Variants in DEFB108B observed in about 807,000 individuals in gnomAD.
DEFB108B encodes beta-defensin 108B.
In DEFB108B, 3 loss-of-function variants were observed where a neutral mutation model predicts 2.4. The ratio of observed to expected loss-of-function variants is 1.25; its 90% confidence interval spans 0.57 to 3.24. The LOEUF is 3.24. Ranked by LOEUF, DEFB108B falls within the 30% of genes most tolerant of loss-of-function variation. The pLI is 0.03. For missense variants in DEFB108B, 101 were observed against 87.8 expected (o/e 1.15, Z -0.60); for synonymous variants, 25 against 28.7 (o/e 0.87, Z 0.41).
intron 1 of DEFB108B, among the ~76,000 whole-genome samples, chr11:71,836,760 G>T (rs566978267): frequency 3.8e-4 from 58 of 152,332 alleles, no homozygotes; most frequent in African/African-American, 1.3e-3. Context: ...AGTAGTGAGT[G>T]AAGTCTCAGG....
At chr11:71,837,024 G>A (rs1012208202) in intron 1 of DEFB108B, 1 of 177,952 alleles carries the variant, frequency 5.6e-6, no homozygotes, top group Admixed American at 6.0e-5. Flanking sequence ...TTCGCTCCAG[G>A]AAAATCCATA....
chr11:71,836,020 C>T (rs1259141309), intron 1 of DEFB108B, among the ~76,000 whole-genome samples: 1 of 152,120 alleles, frequency 6.6e-6, no homozygotes, highest in Non-Finnish European at 1.5e-5. Context: ...AGTGGTTCAT[C>T]CTCTACACTA....
At chr11:71,837,340 T>C in intron 1 of DEFB108B, 59 bp from the exon 2 acceptor site, 1 of 1,594,452 alleles carries the variant, frequency 6.3e-7, no homozygotes, top group South Asian at 1.1e-5. Flanking sequence ...ATCCATGTAA[T>C]TCAACACAAA....
At chr11:71,835,295 G>T (rs1467318226) in intron 1 of DEFB108B, among the ~76,000 whole-genome samples, 7 of 152,020 alleles carry the variant, frequency 4.6e-5, no homozygotes, top group Non-Finnish European at 7.4e-5. Context: ...ATGTCCATGT[G>T]CACTTATTGC....
chr11:71,834,706 A>G (rs1447404745), intron 1 of DEFB108B: 1 of 152,274 alleles, frequency 6.6e-6, no homozygotes, highest in Admixed American at 6.5e-5. Context: ...GCTAGAGAAG[A>G]GAGGAGGACA....
chr11:71,837,347 C>T, intron 1 of DEFB108B, 52 bp from the exon 2 acceptor site: 2 of 1,602,250 alleles, frequency 1.2e-6, no homozygotes, highest in Non-Finnish European at 1.7e-6. Flanking sequence ...TAATTCAACA[C>T]AAAGTAAAGA....
intron 1 of DEFB108B, among the ~76,000 whole-genome samples, chr11:71,834,414 A>G (rs553068276): frequency 1.2e-4 from 19 of 152,356 alleles, no homozygotes; most frequent in Middle Eastern, 3.4e-3. Flanking sequence ...TCTTACATAT[A>G]TAACCCCAGA....
chr11:71,834,778 C>T (rs1952204827), intron 1 of DEFB108B: 1 of 152,170 alleles, frequency 6.6e-6, no homozygotes, highest in South Asian at 2.1e-4. Context: ...TAGTGCCATC[C>T]CTATCATCTG....
chr11:71,835,655 G>T (rs1449744729), intron 1 of DEFB108B, among the ~76,000 whole-genome samples: 8 of 152,218 alleles, frequency 5.3e-5, no homozygotes, highest in Non-Finnish European at 1.0e-4. Flanking sequence ...CTTGAAAAGT[G>T]GTTTGAAAAT....
At position 71,837,496 on chromosome 11, in the gene DEFB108B, C is replaced by T. The variant is rs1952231086; in HGVS notation, c.156C>T (p.Ser52=). The change falls in exon 2 of 2, where the codon AGC becomes AGT. Residue 52 remains serine (S), a synonymous_variant. Coordinates refer to ENST00000328698, the MANE Select transcript of DEFB108B (RefSeq NM_001002035.2). ...TCCATGTTGGGAGATGTTTAAATAG[C>T]CAACCCTGCTGCCTGCCTCTGGGGC... ...TEIHVGRCLN[S]QPCCLPLGHQ... 1 of 1,611,938 alleles carries T rather than the reference C, an allele frequency of 6.2e-7. No homozygotes were observed.
At chr11:71,837,306 T>A in intron 1 of DEFB108B, 93 bp from the exon 2 acceptor site, 1 of 1,466,208 alleles carries the variant, frequency 6.8e-7, no homozygotes, top group Non-Finnish European at 9.5e-7. Context: ...CCACACAAGA[T>A]TATTTTCAAG....
chr11:71,834,326 G>C (rs1952201101), intron 1 of DEFB108B, among the ~76,000 whole-genome samples: 1 of 152,078 alleles, frequency 6.6e-6, no homozygotes, highest in Non-Finnish European at 1.5e-5. Context: ...TGAATTCCTA[G>C]TACTTGTTAA....
At chr11:71,833,322 G>A in intron 1 of DEFB108B, 65 bp downstream of exon 1, 2 of 1,581,344 alleles carry the variant, frequency 1.3e-6, no homozygotes, top group South Asian at 2.3e-5. Flanking sequence ...TACTCAAAGA[G>A]AAATCACCAT....
In DEFB108B at chr11:71,833,823, T is replaced by C. The variant is rs190092157; in HGVS notation, c.58+566T>C. ...AGCATCTAGTCTTGTAATGTAGAAT[T>C]TAAACACAGGAACCAGGGATGACCC... On this transcript the variant is annotated intron_variant, in intron 1 of 1. Coordinates refer to ENST00000328698, the MANE Select transcript of DEFB108B (RefSeq NM_001002035.2). Among the ~76,000 whole-genome samples, 310 of 152,292 alleles carry C rather than the reference T, an allele frequency of 2.0e-3. 1 individual carries two copies. Among genetic ancestry groups the C allele is most frequent in the African/African-American group, 6.9e-3 (287 of 41,554 alleles).
rs374259729 is a variant in DEFB108B, at chr11:71,835,309, G to C, written c.58+2052G>C. Among the ~76,000 whole-genome samples, 18 of 151,964 alleles carry C rather than the reference G, an allele frequency of 1.2e-4. 1 individual carries two copies. The highest frequency in any genetic ancestry group is 8.4e-4 in the South Asian group (4 of 4,788). On this transcript the variant is annotated intron_variant, in intron 1 of 1. Transcript: ENST00000328698. ...TATGTCCATGTGCACTTATTGCTCG[G>C]CCCCCCCTTATAACTGAGAATATGT...
At chr11:71,833,843 T>C (rs1380924753) in intron 1 of DEFB108B, among the ~76,000 whole-genome samples, 1 of 152,188 alleles carries the variant, frequency 6.6e-6, no homozygotes, top group Non-Finnish European at 1.5e-5. Flanking sequence ...GAACCAGGGA[T>C]GACCCCACAC....
Position 71,837,446 on chromosome 11 carries a change from C to G in DEFB108B, c.106C>G (p.Arg36Gly), listed in dbSNP as rs12793731. 3.4e-5 allele frequency: 54 copies of G among 1,611,668 alleles called. No individual in the cohort carries two copies. The highest frequency in any genetic ancestry group is 4.4e-5 in the Non-Finnish European group (52 of 1,179,790). ...EICERPNGSC[R>G]DFCLETEIHV... ...CTGTGAACGTCCAAATGGCTCCTGTCGGGACTTTTGCCTTGAAACAGAAAT... is the reference window on the plus strand; with the variant it reads ...CTGTGAACGTCCAAATGGCTCCTGTGGGGACTTTTGCCTTGAAACAGAAAT... Residue 36 changes from arginine (R) to glycine (G), a missense_variant, in exon 2 of 2, where the codon CGG becomes GGG. Coordinates refer to ENST00000328698, the MANE Select transcript of DEFB108B (RefSeq NM_001002035.2).
At chr11:71,833,345 G>C in intron 1 of DEFB108B, 88 bp downstream of exon 1, 1 of 1,559,938 alleles carries the variant, frequency 6.4e-7, no homozygotes, top group Non-Finnish European at 8.7e-7. Context: ...CCTATAACCA[G>C]AAAAGGGGGT....
rs61889058 is a variant in DEFB108B, at chr11:71,835,049, A to C, written c.58+1792A>C. Reference sequence around the variant, plus strand: ...AATTCTTGTAAATGAACAATGGTACATCATAATTTTAAAAAGCCCTTTGTA... The same window carrying C: ...AATTCTTGTAAATGAACAATGGTACCTCATAATTTTAAAAAGCCCTTTGTA... On this transcript the variant is annotated intron_variant, in intron 1 of 1. Transcript: ENST00000328698. 8.6e-3 allele frequency among the ~76,000 whole-genome samples: 1,312 copies of C among 152,346 alleles called. 17 individuals carry two copies. Among genetic ancestry groups the C allele is most frequent in the African/African-American group, 0.022 (927 of 41,580 alleles).
Sources: gnomAD v4.1 joint callset for allele counts (sites outside exome capture counted in the v4.1 genomes callset) on GRCh38, gnomAD v4.1.1 for gene constraint, MANE v1.5 for transcripts, NCBI Gene and HGNC (gene_info 2026-07-23, HGNC 2026-07-21) for gene names.